MITF: variants seen among roughly 807,000 people sequenced by gnomAD.
MITF encodes the protein microphthalmia-associated transcription factor.
Under a neutral mutation model 60.5 loss-of-function variants are expected in MITF, and 17 were observed. The ratio of observed to expected loss-of-function variants is 0.28; its 90% confidence interval spans 0.19 to 0.42. The LOEUF (loss-of-function observed/expected upper bound fraction) is 0.42. MITF is among the 10% of genes least tolerant of loss of function. The pLI is 1.00. For missense variants in MITF, 622 were observed against 683.5 expected, an observed-to-expected ratio of 0.91 and a Z score of 1.00; for synonymous variants, 260 against 248.5, an observed-to-expected ratio of 1.05 and a Z score of -0.43.
At chr3:69,816,476 T>C (rs1294200677) in intron 1 of MITF, among the ~76,000 whole-genome samples, 2 of 152,230 alleles carry the variant, frequency 1.3e-5, no homozygotes, top group African/African-American at 4.8e-5. Context: ...GTTTCATATA[T>C]TTTTGTCTGA....
At chr3:69,957,748 A>T (rs555681704) in intron 8 of MITF, among the ~76,000 whole-genome samples, 5 of 152,240 alleles carry the variant, frequency 3.3e-5, no homozygotes, top group Non-Finnish European at 7.3e-5. Context: ...GCTGCAGTGA[A>T]AGCCTCTATT....
intron 1 of MITF, among the ~76,000 whole-genome samples, chr3:69,825,596 C>T (rs962563265): frequency 1.3e-5 from 2 of 152,126 alleles, no homozygotes; most frequent in Non-Finnish European, 2.9e-5. Context: ...TTCCTTCCAC[C>T]CTCATATCTT....
chr3:69,864,859 A>G (rs550425815), intron 1 of MITF, among the ~76,000 whole-genome samples: 13 of 152,060 alleles, frequency 8.5e-5, no homozygotes, highest in African/African-American at 3.1e-4. Context: ...CATTTTTTCT[A>G]TACTCCTCCT....
intron 2 of MITF, among the ~76,000 whole-genome samples, chr3:69,905,952 T>TAA (rs2065089498): frequency 6.6e-6 from 1 of 152,128 alleles, no homozygotes; most frequent in Non-Finnish European, 1.5e-5. Flanking sequence ...AATAGTGTCT[T>TAA]TTGAAAAGCA....
intron 2 of MITF, among the ~76,000 whole-genome samples, chr3:69,882,065 A>G (rs752031218): frequency 6.6e-6 from 1 of 152,222 alleles, no homozygotes; most frequent in Non-Finnish European, 1.5e-5. Flanking sequence ...ACATTCTGCT[A>G]TCTGGATGAA....
At chr3:69,739,832 G>A (rs1703459315) in intron 1 of MITF, 131 bp downstream of exon 1, 1 of 688,832 alleles carries the variant, frequency 1.5e-6, no homozygotes, top group Non-Finnish European at 2.6e-6. Context: ...GGAGCAGAGG[G>A]CGAACTGCCC....
chr3:69,943,303 A>C (rs182470375), intron 5 of MITF, among the ~76,000 whole-genome samples: 3 of 152,166 alleles, frequency 2.0e-5, no homozygotes, highest in South Asian at 2.1e-4. Flanking sequence ...CACTAGGGAA[A>C]TAGCAAAGCA....
At position 69,967,894 on chromosome 3, in the gene MITF, T is replaced by C. The variant is rs2066729874; in HGVS notation, c.*2646T>C. 1 of 233,334 alleles carries C rather than the reference T, an allele frequency of 4.3e-6. No homozygotes were observed. Among genetic ancestry groups the C allele is most frequent in the African/African-American group, 2.2e-5 (1 of 45,416 alleles). 14.5% of individuals were successfully genotyped at this position (233,334 alleles called of 1,614,324 possible). A position where few individuals can be genotyped will look rare whatever the true frequency, so the allele number is the denominator to read the frequency against. ...ATATGGAGTGACCAAAATGCCAAAA[T>C]TGTCCATCTGCCTCTGAGTAGGGCA... On this transcript the variant is annotated 3_prime_UTR_variant, in exon 10 of 10. Transcript: ENST00000352241.
chr3:69,764,007 A>G (rs2062251661), intron 1 of MITF: 45 of 1,202,142 alleles, frequency 3.7e-5, no homozygotes, highest in Non-Finnish European at 4.7e-5. Flanking sequence ...TTTTTAAGGG[A>G]TGTCAATCTT....
intron 1 of MITF, among the ~76,000 whole-genome samples, chr3:69,853,180 GTAGTCCAGGC>G (rs944518826): frequency 2.0e-5 from 3 of 152,084 alleles, no homozygotes; most frequent in Non-Finnish European, 4.4e-5. Flanking sequence ...GAACAACCTA[GTAGTCCAGGC>G]CAGAGTTTCA....
chr3:69,794,579 A>G (rs547371658), intron 1 of MITF, among the ~76,000 whole-genome samples: 3 of 152,316 alleles, frequency 2.0e-5, no homozygotes, highest in South Asian at 4.1e-4. Context: ...TAGCTTGGTC[A>G]TCAGGGTAAT....
At chr3:69,950,024 C>G (rs902680519) in intron 6 of MITF, among the ~76,000 whole-genome samples, 27 of 151,896 alleles carry the variant, frequency 1.8e-4, no homozygotes, top group Non-Finnish European at 3.8e-4. Context: ...TTTTAAAAAC[C>G]ATGGATTTGA....
intron 9 of MITF, among the ~76,000 whole-genome samples, chr3:69,964,325 G>GTCTAATGACGCGCATCTACCATTATAGT (rs376752769): frequency 1.5e-5 from 2 of 137,012 alleles, no homozygotes; most frequent in South Asian, 2.4e-4. Flanking sequence ...TAATATCTGT[G>GTCTAATGACGCGCATCTACCATTATAGT]AGAGACCATC....
chr3:69,952,859 A>T (rs1310575813), intron 7 of MITF, among the ~76,000 whole-genome samples: 1 of 152,172 alleles, frequency 6.6e-6, no homozygotes, highest in Non-Finnish European at 1.5e-5. Context: ...AGAAATCTAG[A>T]TCTATCTACT....
At chr3:69,913,614 C>T (rs953834962) in intron 2 of MITF, among the ~76,000 whole-genome samples, 1 of 152,176 alleles carries the variant, frequency 6.6e-6, no homozygotes, top group African/African-American at 2.4e-5. Context: ...TGATTGACTG[C>T]ATCTCATTTA....
intron 2 of MITF, among the ~76,000 whole-genome samples, chr3:69,928,709 A>G (rs1038093794): frequency 2.0e-5 from 3 of 151,576 alleles, no homozygotes; most frequent in African/African-American, 7.3e-5. Flanking sequence ...TGGGTTGAAA[A>G]CTCCCAATTT....
At position 69,966,409 on chromosome 3, in the gene MITF, G is replaced by A; in HGVS notation, c.*1161G>A. On this transcript the variant is annotated 3_prime_UTR_variant, in exon 10 of 10. Transcript: ENST00000352241. Reference sequence around the variant, plus strand: ...TGTTTTTGGACACATTTAAGGTGTAGTATTAATAGGTTAAAACCAGGCTTT... The same window carrying A: ...TGTTTTTGGACACATTTAAGGTGTAATATTAATAGGTTAAAACCAGGCTTT... The A allele has an allele frequency of 4.3e-6, 1 of 232,834 alleles. No individual in the cohort carries two copies. Among genetic ancestry groups the A allele is most frequent in the Non-Finnish European group, 8.5e-6 (1 of 117,558 alleles). 14.4% of individuals were successfully genotyped at this position (232,834 alleles called of 1,614,324 possible). A position where few individuals can be genotyped will look rare whatever the true frequency, so the allele number is the denominator to read the frequency against.
At chr3:69,910,582 G>A (rs1419768739) in intron 2 of MITF, among the ~76,000 whole-genome samples, 1 of 152,204 alleles carries the variant, frequency 6.6e-6, no homozygotes, top group African/African-American at 2.4e-5. Context: ...GGGCAGAGCT[G>A]CCCAAGACCA....
intron 1 of MITF, among the ~76,000 whole-genome samples, chr3:69,792,893 C>G (rs2062763840): frequency 6.6e-6 from 1 of 150,512 alleles, no homozygotes; most frequent in African/African-American, 2.4e-5. Flanking sequence ...ATTTTTAAAG[C>G]TTTACCCTGT....
Sources: gnomAD v4.1 joint callset for allele counts (sites outside exome capture counted in the v4.1 genomes callset) on GRCh38, gnomAD v4.1.1 for gene constraint, MANE v1.5 for transcripts, NCBI Gene and HGNC (gene_info 2026-07-23, HGNC 2026-07-21) for gene names.